ZZEF1: variants seen among roughly 807,000 people sequenced by gnomAD.
The protein encoded by ZZEF1 is zinc finger ZZ-type and EF-hand domain containing 1, also known as zinc finger ZZ-type and EF-hand domain-containing protein 1.
A neutral mutation model predicts 342.8 loss-of-function variants in ZZEF1; 157 were observed. That is an observed-to-expected ratio of 0.46 (90% CI 0.40 to 0.52). ZZEF1 has a LOEUF of 0.52. Ranked by LOEUF, ZZEF1 falls within the 20% of genes least tolerant of loss-of-function variation. The pLI is 0.00. For missense variants in ZZEF1, 3,480 were observed against 3,725.6 expected (o/e 0.93, Z 1.72); for synonymous variants, 1,505 against 1,429.1 (o/e 1.05, Z -1.20).
At chr17:4,141,479 T>A (rs2145636625) in intron 1 of ZZEF1, among the ~76,000 whole-genome samples, 1 of 152,202 alleles carries the variant, frequency 6.6e-6, no homozygotes, top group East Asian at 1.9e-4. Flanking sequence ...GGTCATACCG[T>A]GGTGTTAAAA....
intron 43 of ZZEF1, among the ~76,000 whole-genome samples, chr17:4,023,788 C>G (rs910700891): frequency 6.6e-6 from 1 of 152,118 alleles, no homozygotes; most frequent in Non-Finnish European, 1.5e-5. Context: ...GCCGTGATCA[C>G]AGGTCTATAC....
chr17:4,075,738 T>A (rs528101653), intron 21 of ZZEF1, among the ~76,000 whole-genome samples: 4 of 150,998 alleles, frequency 2.6e-5, no homozygotes, highest in Admixed American at 2.0e-4. Context: ...AAGTACTGAA[T>A]GAGGAGTTTA....
At chr17:4,110,694 G>A (rs575760566) in intron 5 of ZZEF1, among the ~76,000 whole-genome samples, 4 of 151,298 alleles carry the variant, frequency 2.6e-5, no homozygotes, top group Non-Finnish European at 5.9e-5. Context: ...AATGAGGGGT[G>A]GGTTAAAATT....
Position 4,117,138 on chromosome 17 carries a change from C to T in ZZEF1, c.528G>A (p.Lys176=), listed in dbSNP as rs117738178. 28,740 of 1,613,334 alleles carry T rather than the reference C, an allele frequency of 0.018. 302 individuals are homozygous for T. Among genetic ancestry groups the T allele is most frequent in the Middle Eastern group, 0.02 (120 of 6,020 alleles). Reference sequence around the variant, plus strand: ...TTGACGAGTGAATATCAAGGCCCTCCTTCGACTCTGAAAATATGTCTGTGA... The same window carrying T: ...TTGACGAGTGAATATCAAGGCCCTCTTTCGACTCTGAAAATATGTCTGTGA... ...PGFTDIFSES[K]EGLDIHSSMI... Residue 176 remains lysine (K), a synonymous_variant, in exon 3 of 55, where the codon AAG becomes AAA. Coordinates refer to ENST00000381638, the MANE Select transcript of ZZEF1 (RefSeq NM_015113.4).
intron 38 of ZZEF1, 123 bp downstream of exon 38, chr17:4,044,101 C>G (rs1305546984): frequency 9.5e-7 from 1 of 1,054,306 alleles, no homozygotes; most frequent in Non-Finnish European, 1.4e-6. Flanking sequence ...CTGAACAGAA[C>G]TGAGAAACCA....
chr17:4,117,606 C>A (rs1385432303), intron 2 of ZZEF1, among the ~76,000 whole-genome samples: 8 of 141,874 alleles, frequency 5.6e-5, no homozygotes, highest in African/African-American at 2.2e-4. Flanking sequence ...CCAGATCACG[C>A]CACTGCACTC....
chr17:4,097,476 GGAAAAA>G (rs1255983016), intron 9 of ZZEF1, among the ~76,000 whole-genome samples: 4 of 113,966 alleles, frequency 3.5e-5, no homozygotes, highest in Non-Finnish European at 5.3e-5. Flanking sequence ...CTTTGAAATG[GGAAAAA>G]AAAAAAAAAA....
At chr17:4,025,279 C>T (rs2056378471) in intron 42 of ZZEF1, among the ~76,000 whole-genome samples, 161 bp from the exon 43 acceptor site, 1 of 152,170 alleles carries the variant, frequency 6.6e-6, no homozygotes, top group Admixed American at 6.5e-5. Context: ...TGCAGGTAAA[C>T]ACAAAAATAG....
At chr17:4,039,682 CG>C (rs2056757882) in intron 39 of ZZEF1, among the ~76,000 whole-genome samples, 1 of 131,854 alleles carries the variant, frequency 7.6e-6, no homozygotes, top group Admixed American at 8.4e-5. Context: ...CTCACTCTGT[CG>C]CCCAGGCTGG....
At position 4,021,312 on chromosome 17, in the gene ZZEF1, G is replaced by A; in HGVS notation, c.7221C>T (p.Ser2407=). ...CCTTTTTTGAGGAGTACAGCATGAT[G>A]GACAAAATCTACACAGAAAGAAAAT... is the stretch of plus-strand genomic sequence containing the variant. ...TWLLRDLEIL[S]IMLYSSKKEI... Residue 2407 remains serine (S), a synonymous_variant, in exon 45 of 55, where the codon TCC becomes TCT. Transcript: ENST00000381638. 6.3e-7 allele frequency: 1 copy of A among 1,593,720 alleles called. No individual in the cohort carries two copies. Among genetic ancestry groups the A allele is most frequent in the Non-Finnish European group, 8.6e-7 (1 of 1,168,514 alleles).
chr17:4,138,770 T>C (rs1248614204), intron 1 of ZZEF1, among the ~76,000 whole-genome samples: 4 of 152,236 alleles, frequency 2.6e-5, no homozygotes, highest in Admixed American at 6.5e-5. Context: ...AATCATACTC[T>C]AAGAGCATAA....
intron 46 of ZZEF1, among the ~76,000 whole-genome samples, chr17:4,019,229 T>C (rs956355323): frequency 6.6e-6 from 1 of 152,150 alleles, no homozygotes; most frequent in Admixed American, 6.5e-5. Flanking sequence ...GGAGACTGGA[T>C]TGCAGATATG....
chr17:4,088,554 G>A (rs2057883525), intron 13 of ZZEF1, 124 bp downstream of exon 13: 1 of 995,876 alleles, frequency 1.0e-6, no homozygotes, highest in Non-Finnish European at 1.5e-6. Context: ...TGTCCCTGCA[G>A]CAGTACAATG....
intron 21 of ZZEF1, 69 bp from the exon 22 acceptor site, chr17:4,075,498 T>C (rs2057593860): frequency 6.4e-7 from 1 of 1,550,618 alleles, no homozygotes; most frequent in East Asian, 2.2e-5. Context: ...TGCAGCAGAC[T>C]GTTTCTCTAT....
At chr17:4,015,493 G>A (rs1352816298) in intron 49 of ZZEF1, among the ~76,000 whole-genome samples, 1 of 152,242 alleles carries the variant, frequency 6.6e-6, no homozygotes, top group African/African-American at 2.4e-5. Context: ...GGCCAGGTGA[G>A]GTGGCTCACG....
chr17:4,023,163 C>G (rs749105304), intron 43 of ZZEF1, among the ~76,000 whole-genome samples: 3 of 152,194 alleles, frequency 2.0e-5, no homozygotes, highest in African/African-American at 4.8e-5. Context: ...CATTTTGAGG[C>G]CTGGAGCTTG....
intron 21 of ZZEF1, 75 bp from the exon 22 acceptor site, chr17:4,075,504 T>C (rs2057594019): frequency 2.0e-6 from 3 of 1,531,756 alleles, no homozygotes; most frequent in South Asian, 2.5e-5. Context: ...AGACTGTTTC[T>C]CTATCAGTGC....
chr17:4,024,186 G>GGTTTTTTTTT (rs2056343802), intron 43 of ZZEF1, among the ~76,000 whole-genome samples: 1 of 94,408 alleles, frequency 1.1e-5, no homozygotes, highest in African/African-American at 4.0e-5. Context: ...TATTGCCCAG[G>GGTTTTTTTTT]TTTTTTTTTT....
intron 25 of ZZEF1, 52 bp from the exon 26 acceptor site, chr17:4,070,976 A>T (rs748034488): frequency 6.3e-7 from 1 of 1,580,872 alleles, no homozygotes; most frequent in Non-Finnish European, 8.6e-7. Flanking sequence ...TCAAAAAATA[A>T]AATTTATTGA....
Sources: allele counts gnomAD v4.1 joint callset (sites outside exome capture counted in the v4.1 genomes callset), GRCh38; gene constraint gnomAD v4.1.1; transcripts MANE v1.5; gene names NCBI Gene and HGNC (gene_info 2026-07-23, HGNC 2026-07-21).